GBF1: variants seen among roughly 807,000 people sequenced by gnomAD.
GBF1 encodes Golgi-specific brefeldin A-resistance guanine nucleotide exchange factor 1.
Under a neutral mutation model 210.5 loss-of-function variants are expected in GBF1, and 114 were observed. The ratio of observed to expected loss-of-function variants is 0.54; its 90% CI spans 0.47 to 0.63. The LOEUF (loss-of-function observed/expected upper bound fraction) is 0.63, where lower values mean the gene tolerates loss of function less well. GBF1 is among the 30% of genes least tolerant of loss of function. The pLI is 0.00. For synonymous variants in GBF1, 850 were observed against 889.2 expected (o/e 0.96, Z 0.78); for missense variants, 1,851 against 2,357.7 (o/e 0.79, Z 4.45).
rs200390138 is a variant in GBF1, at chr10:102,376,543, C to T, written c.4048-17C>T. On this transcript the variant is annotated splice_polypyrimidine_tract_variant and intron_variant, in intron 31 of 39. Transcript: ENST00000369983. ...GGGGCCAAGCCTGTGTCCCCAGCTC[C>T]TCTGTGTACTTTACAGGTTGGGAAG... 28 of 1,613,920 alleles carry T rather than the reference C, an allele frequency of 1.7e-5. 1 individual carries two copies. The highest frequency in any genetic ancestry group is 3.3e-4 in the Middle Eastern group (2 of 6,058).
upstream of GBF1, among the ~76,000 whole-genome samples, chr10:102,244,414 C>G (rs1341018072): frequency 6.6e-6 from 1 of 152,148 alleles, no homozygotes; most frequent in South Asian, 2.1e-4. Flanking sequence ...TAGGAGAAAA[C>G]CCATCCTCTT....
intron 1 of GBF1, among the ~76,000 whole-genome samples, chr10:102,253,004 C>T (rs1032367287): frequency 6.6e-6 from 1 of 152,128 alleles, no homozygotes; most frequent in Non-Finnish European, 1.5e-5. Context: ...AAGCAATCCT[C>T]CTGCCTCAGC....
intron 3 of GBF1, among the ~76,000 whole-genome samples, chr10:102,325,340 G>C (rs2056797815): frequency 1.3e-5 from 2 of 152,028 alleles, no homozygotes; most frequent in Non-Finnish European, 2.9e-5. Context: ...CCTGAGGTCA[G>C]GAGTTCAAGA....
rs1263424115 is a variant in GBF1 at position 102,287,358 on chromosome 10, T to C, written c.163+27242T>C. ...TATTTTATTTTCTTTTTTTTTTTTT[T>C]TTTTTTTTTTTTTGAGATGAGGTCT... On this transcript the variant is annotated intron_variant, in intron 3 of 39. Transcript: ENST00000369983. Among the ~76,000 whole-genome samples, 8 of 136,964 alleles carry C rather than the reference T, an allele frequency of 5.8e-5. 1 individual carries two copies. The highest frequency in any genetic ancestry group is 1.9e-4 in the African/African-American group (7 of 36,412). 89.9% of individuals were successfully genotyped at this position (136,964 alleles called of 152,430 possible).
At chr10:102,277,656 G>T (rs2075112377) in intron 3 of GBF1, among the ~76,000 whole-genome samples, 5 of 152,188 alleles carry the variant, frequency 3.3e-5, no homozygotes, top group Admixed American at 3.3e-4. Context: ...TAGGATTACA[G>T]GCGTGAGCCA....
intron 38 of GBF1, 87 bp from the exon 39 acceptor site, chr10:102,381,040 G>A (rs777541539): frequency 3.1e-4 from 394 of 1,291,520 alleles, no homozygotes; most frequent in Non-Finnish European, 4.2e-4. Flanking sequence ...TGTGCCCTGG[G>A]TGGGTAGAAA....
intron 3 of GBF1, among the ~76,000 whole-genome samples, chr10:102,319,374 TA>T (rs60866450): frequency 1.3e-5 from 2 of 151,102 alleles, no homozygotes; most frequent in South Asian, 2.1e-4. Flanking sequence ...CTCCTGTCTC[TA>T]AAAAAAAAGA....
chr10:102,341,846 C>G (rs546497393), intron 3 of GBF1, among the ~76,000 whole-genome samples: 1 of 152,208 alleles, frequency 6.6e-6, no homozygotes, highest in Non-Finnish European at 1.5e-5. Flanking sequence ...AGACATGAAG[C>G]AAGTATATAG....
At chr10:102,235,789 C>T in the GBF1 span, among the ~76,000 whole-genome samples, 1 of 152,156 alleles carries the variant, frequency 6.6e-6, no homozygotes, top group Non-Finnish European at 1.5e-5. Context: ...AAGTGTTTCC[C>T]TGGTGAATGA....
intron 3 of GBF1, among the ~76,000 whole-genome samples, chr10:102,316,509 C>T (rs2078947186): frequency 1.3e-5 from 2 of 152,190 alleles, no homozygotes; most frequent in Non-Finnish European, 2.9e-5. Context: ...TCCATCTCAT[C>T]ACAATATTAG....
At chr10:102,312,326 A>G (rs919943394) in intron 3 of GBF1, among the ~76,000 whole-genome samples, 1 of 151,772 alleles carries the variant, frequency 6.6e-6, no homozygotes, top group Non-Finnish European at 1.5e-5. Flanking sequence ...AAAATGTTAA[A>G]TCTCTCTCTG....
intron 3 of GBF1, among the ~76,000 whole-genome samples, chr10:102,323,596 A>G (rs1409946054): frequency 1.3e-5 from 1 of 74,374 alleles, no homozygotes; most frequent in Non-Finnish European, 2.8e-5. Flanking sequence ...TTTTTCCTTT[A>G]TGTGGAGAAC....
chr10:102,237,620 TCTA>T, the GBF1 span, among the ~76,000 whole-genome samples: 10 of 152,112 alleles, frequency 6.6e-5, no homozygotes, highest in East Asian at 1.5e-3. Context: ...AAAAACAACA[TCTA>T]CTAGAAAACA....
chr10:102,312,151 C>T (rs1363049104), intron 3 of GBF1, among the ~76,000 whole-genome samples: 6 of 152,066 alleles, frequency 3.9e-5, no homozygotes, highest in African/African-American at 1.4e-4. Flanking sequence ...ATTAGCTGGG[C>T]GTGGTGGCGC....
At chr10:102,379,754 C>A in intron 35 of GBF1, 99 bp from the exon 36 acceptor site, 2 of 1,481,062 alleles carry the variant, frequency 1.4e-6, no homozygotes, top group Non-Finnish European at 1.9e-6. Context: ...TGCATCATAC[C>A]TTCCCTTCAG....
intron 3 of GBF1, among the ~76,000 whole-genome samples, chr10:102,296,606 G>A (rs2076927465): frequency 6.6e-6 from 1 of 152,202 alleles, no homozygotes; most frequent in Non-Finnish European, 1.5e-5. Flanking sequence ...GCCGGGCTTA[G>A]TGGCGGATGC....
At position 102,259,955 on chromosome 10, in the gene GBF1, G is replaced by C. The variant is rs2072973248; in HGVS notation, c.97-95G>C. 4 of 683,980 alleles carry C rather than the reference G, an allele frequency of 5.8e-6. No individual in the cohort carries two copies. The East Asian group carries it at 1.0e-4, about 18-fold the overall frequency. The allele number at this position is 683,980 out of a possible 1,614,324, so 42.4% of individuals were successfully genotyped here. ...AGAAGGAAAACTTAAATGATTTTCT[G>C]ATTGGATTCATAGAAAGAGCCCTTG... On this transcript the variant is annotated intron_variant, in intron 2 of 39. Transcript: ENST00000369983.
At chr10:102,251,764 TA>T (rs1014926082) in intron 1 of GBF1, among the ~76,000 whole-genome samples, 2 of 152,110 alleles carry the variant, frequency 1.3e-5, no homozygotes, top group Non-Finnish European at 2.9e-5. Context: ...CCATGTTGCC[TA>T]AGCTGGTCTT....
At chr10:102,302,891 A>G (rs898919764) in intron 3 of GBF1, among the ~76,000 whole-genome samples, 3 of 151,608 alleles carry the variant, frequency 2.0e-5, no homozygotes, top group African/African-American at 7.3e-5. Context: ...AACTGTCGTT[A>G]GTGCCAAGGT....
Sources: allele counts gnomAD v4.1 joint callset (sites outside exome capture counted in the v4.1 genomes callset), GRCh38; gene constraint gnomAD v4.1.1; transcripts MANE v1.5; gene names NCBI Gene and HGNC (gene_info 2026-07-23, HGNC 2026-07-21).